Variants in TNIK observed in about 807,000 individuals in gnomAD.
TNIK encodes the protein TRAF2 and NCK-interacting protein kinase.
A neutral mutation model predicts 191.3 loss-of-function variants in TNIK; 49 were observed. The observed-to-expected ratio is 0.26, with a 90% CI of 0.20 to 0.32. The LOEUF is 0.32. Among genes scored for constraint, TNIK ranks in the 10% least tolerant of loss-of-function variants. The pLI, the probability that TNIK is intolerant of heterozygous loss-of-function variation, is 1.00. For synonymous variants in TNIK, 594 were observed against 600.9 expected (o/e 0.99, Z 0.17); for missense variants, 1,155 against 1,702.3 (o/e 0.68, Z 5.66).
At chr3:171,238,409 G>A (rs1744563955) in intron 2 of TNIK, among the ~76,000 whole-genome samples, 1 of 150,814 alleles carries the variant, frequency 6.6e-6, no homozygotes. Context: ...TTAAAAACTA[G>A]TTTTTTTTTA....
At chr3:171,246,998 G>T (rs906371159) in intron 2 of TNIK, among the ~76,000 whole-genome samples, 8 of 152,360 alleles carry the variant, frequency 5.3e-5, no homozygotes, top group Admixed American at 3.9e-4. Context: ...ACTGGCCAAT[G>T]TATGAGGAAG....
intron 1 of TNIK, among the ~76,000 whole-genome samples, chr3:171,418,879 GTCTTACAGTAATCTCA>G (rs2108624074): frequency 6.6e-6 from 1 of 152,270 alleles, no homozygotes; most frequent in African/African-American, 2.4e-5. Context: ...GAACTTTACT[GTCTTACAGTAATCTCA>G]GATCGTGGTC....
At chr3:171,332,046 A>T (rs1295803880) in intron 2 of TNIK, among the ~76,000 whole-genome samples, 1 of 152,152 alleles carries the variant, frequency 6.6e-6, no homozygotes, top group Non-Finnish European at 1.5e-5. Flanking sequence ...TTATTTTTTT[A>T]AAAAGCAATA....
At chr3:171,380,438 A>C (rs1451100326) in intron 1 of TNIK, among the ~76,000 whole-genome samples, 1 of 152,216 alleles carries the variant, frequency 6.6e-6, no homozygotes, top group East Asian at 1.9e-4. Context: ...TCTGTTTTGG[A>C]AGAAGAGCCT....
At position 171,460,303 on chromosome 3, in the gene TNIK, G is replaced by A; in HGVS notation, c.-240C>T. 1 of 586,592 alleles carries A rather than the reference G, an allele frequency of 1.7e-6. No homozygotes were observed. The highest frequency in any genetic ancestry group is 2.9e-5 in the East Asian group (1 of 34,262). The allele number at this position is 586,592 out of a possible 1,614,324, so 36.3% of individuals were successfully genotyped here. A position where few individuals can be genotyped will look rare whatever the true frequency, so the allele number is the denominator to read the frequency against. On this transcript the variant is annotated 5_prime_UTR_variant, in exon 1 of 33. Transcript: ENST00000436636. This position sits in a 1 kb window ranked among gnomAD's most constrained non-coding sequence, Gnocchi z 6.8. ...AAGCCCCGAGCAGCGGTGCGTGTGG[G>A]CTGAGCGCCCCGATCGGCTAAGGGC...
intron 2 of TNIK, among the ~76,000 whole-genome samples, chr3:171,329,868 C>G (rs1756220652): frequency 6.6e-6 from 1 of 152,188 alleles, no homozygotes; most frequent in Non-Finnish European, 1.5e-5. Context: ...TGGCTTCCAG[C>G]TTTGAGGGAT....
Position 171,175,298 on chromosome 3 carries a change from A to G in TNIK, c.727T>C (p.Phe243Leu). Residue 243 changes from phenylalanine to leucine, a missense_variant, in exon 9 of 33, where the codon TTC (phenylalanine) becomes CTC (leucine). Transcript: ENST00000436636. ...LCDMHPMRAL[F>L]LIPRNPAPRL... ...GGCGCTGGGTTCCGGGGGATGAGGA[A>G]GAGAGCTCTCATGGGGTGCATGTCA... is the stretch of plus-strand genomic sequence containing the variant. The G allele has an allele frequency of 6.2e-7, 1 of 1,612,516 alleles. No individual in the cohort carries two copies.
At chr3:171,343,097 T>C (rs1343189687) in intron 2 of TNIK, among the ~76,000 whole-genome samples, 2 of 151,300 alleles carry the variant, frequency 1.3e-5, no homozygotes, top group African/African-American at 4.9e-5. Context: ...TATATCTTCA[T>C]AGCAATGTTG....
Position 171,295,900 on chromosome 3 carries a change from C to T in TNIK, c.124-67679G>A, listed in dbSNP as rs138936390. Among the ~76,000 whole-genome samples the T allele has an allele frequency of 1.8e-3, 271 of 152,298 alleles. 3 individuals are homozygous for T. Among genetic ancestry groups the T allele is most frequent in the African/African-American group, 6.0e-3 (249 of 41,564 alleles). On this transcript the variant is annotated intron_variant, in intron 2 of 32. Coordinates refer to ENST00000436636, the MANE Select transcript of TNIK (RefSeq NM_015028.4). ...TGCCCCTCCCAGGATCTTTCTTTGA[C>T]GCCCACAGATCACAGAGGGCCTAAT...
intron 2 of TNIK, among the ~76,000 whole-genome samples, chr3:171,318,429 C>T (rs1287031909): frequency 6.6e-6 from 1 of 152,050 alleles, no homozygotes. Flanking sequence ...AGAGAATAAG[C>T]TTGGTTGGCC....
intron 3 of TNIK, among the ~76,000 whole-genome samples, chr3:171,212,377 A>ATCTGGTCATAGCCCCTACACTCCT (rs1301493742): frequency 4.0e-5 from 6 of 151,592 alleles, no homozygotes; most frequent in African/African-American, 1.5e-4. Context: ...CCCCCACTGC[A>ATCTGGTCATAGCCCCTACACTCCT]TCTGGTCATA....
At chr3:171,086,878 TA>T (rs1721425572) in intron 24 of TNIK, among the ~76,000 whole-genome samples, 1 of 152,252 alleles carries the variant, frequency 6.6e-6, no homozygotes, top group African/African-American at 2.4e-5. Flanking sequence ...ATGAACACTC[TA>T]AGAACTTATC....
chr3:171,227,448 A>T lies in TNIK; in HGVS notation c.180+717T>A, dbSNP rs1743093652. On this transcript the variant is annotated intron_variant, in intron 3 of 32. Coordinates refer to ENST00000436636, the MANE Select transcript of TNIK (RefSeq NM_015028.4). ...GTGGTAGGCAGACCTTTGGGAAAACAGTTAAGACTCATTTCTTCTGTATAA... is the reference window on the plus strand; with the variant it reads ...GTGGTAGGCAGACCTTTGGGAAAACTGTTAAGACTCATTTCTTCTGTATAA... Among the ~76,000 whole-genome samples the T allele has an allele frequency of 2.0e-5, 3 of 152,272 alleles. 1 individual carries two copies. Among genetic ancestry groups the T allele is most frequent in the South Asian group, 4.2e-4 (2 of 4,816 alleles).
chr3:171,146,972 A>G (rs969543980), intron 12 of TNIK, among the ~76,000 whole-genome samples: 50 of 152,194 alleles, frequency 3.3e-4, no homozygotes, highest in African/African-American at 1.2e-3. Context: ...TAAACTTTCA[A>G]TGAGGGTATA....
intron 4 of TNIK, among the ~76,000 whole-genome samples, chr3:171,203,947 T>G (rs940081355): frequency 4.6e-5 from 7 of 152,208 alleles, no homozygotes; most frequent in Admixed American, 1.3e-4. Flanking sequence ...GATTACAAAT[T>G]TATTTCCTGT....
chr3:171,074,100 C>T (rs1430005939), intron 28 of TNIK, among the ~76,000 whole-genome samples: 1 of 150,824 alleles, frequency 6.6e-6, no homozygotes, highest in East Asian at 1.9e-4. Context: ...TTCACAACAG[C>T]AAGGTCATGG....
At chr3:171,303,700 C>G (rs1239610893) in intron 2 of TNIK, among the ~76,000 whole-genome samples, 1 of 152,128 alleles carries the variant, frequency 6.6e-6, no homozygotes. Context: ...CTTTGCATCT[C>G]CAATCTGTCA....
Position 171,369,664 on chromosome 3 carries a change from A to C in TNIK, c.79T>G (p.Leu27Val). The change falls in exon 2 of 33, where the codon TTG (leucine) becomes GTG (valine). Residue 27 changes from leucine to valine, a missense_variant. Physicochemically the swap from Leu to Val is conservative, Grantham distance 32 (BLOSUM62 1). Transcript: ENST00000436636. ...ALRDPAGIFE[L>V]VELVGNGTYG... ...GTTCCATTTCCAACAAGTTCCACCA[A>C]TTCAAAGATCCCTGCGGGGTCCTGA... 1.3e-6 allele frequency: 2 copies of C among 1,574,670 alleles called. No individual in the cohort carries two copies. The highest frequency in any genetic ancestry group is 1.7e-6 in the Non-Finnish European group (2 of 1,158,974).
intron 2 of TNIK, among the ~76,000 whole-genome samples, chr3:171,295,285 C>A (rs1752161431): frequency 2.0e-5 from 3 of 152,150 alleles, no homozygotes; most frequent in Non-Finnish European, 4.4e-5. Flanking sequence ...GAAGAAGGAA[C>A]CATCATTTCT....
Sources: allele counts gnomAD v4.1 joint callset (sites outside exome capture counted in the v4.1 genomes callset), GRCh38; gene constraint gnomAD v4.1.1; non-coding constraint Gnocchi (gnomAD v3.1); transcripts MANE v1.5; gene names NCBI Gene and HGNC (gene_info 2026-07-23, HGNC 2026-07-21).